The following INSYN2B variants were observed in gnomAD, a reference collection of about 807,000 sequenced individuals.
The protein encoded by INSYN2B is protein INSYN2B.
Under a neutral mutation model 41.2 loss-of-function variants are expected in INSYN2B, and 16 were observed. That is an observed-to-expected ratio of 0.39 (90% confidence interval 0.26 to 0.59). INSYN2B has a LOEUF of 0.59. Ranked by LOEUF, INSYN2B falls within the 20% of genes least tolerant of loss-of-function variation. INSYN2B has a pLI of 0.57. For missense variants in INSYN2B, 608 were observed against 646.4 expected, an observed-to-expected ratio of 0.94 and a Z score of 0.64; for synonymous variants, 245 against 244.4, an observed-to-expected ratio of 1.00 and a Z score of -0.02.
intron 1 of INSYN2B, among the ~76,000 whole-genome samples, chr5:169,890,166 C>T (rs975135483): frequency 3.9e-5 from 6 of 152,148 alleles, no homozygotes; most frequent in African/African-American, 7.2e-5. Context: ...GTGGAGACCC[C>T]GACTCTTCCT....
At chr5:169,906,721 T>G (rs912596154) in intron 1 of INSYN2B, among the ~76,000 whole-genome samples, 4 of 152,188 alleles carry the variant, frequency 2.6e-5, no homozygotes, top group African/African-American at 9.7e-5. Flanking sequence ...AAGCCCATTA[T>G]CTTTCTGCCA....
chr5:169,941,545 G>A (rs1776247407), intron 1 of INSYN2B, among the ~76,000 whole-genome samples: 1 of 152,192 alleles, frequency 6.6e-6, no homozygotes, highest in African/African-American at 2.4e-5. Context: ...AGAAAGGAGA[G>A]TGCAAGAGGT....
intron 1 of INSYN2B, among the ~76,000 whole-genome samples, chr5:169,899,081 A>G (rs1773777476): frequency 6.6e-6 from 1 of 152,216 alleles, no homozygotes; most frequent in Non-Finnish European, 1.5e-5. Context: ...ATGGCAAGTA[A>G]AAGGGACCTT....
chr5:169,882,880 A>G lies in INSYN2B; in HGVS notation c.1019T>C (p.Val340Ala), dbSNP rs1467290930. The G allele has an allele frequency of 1.9e-6, 3 of 1,551,596 alleles. No individual in the cohort carries two copies. Among genetic ancestry groups the G allele is most frequent in the Admixed American group, 3.9e-5 (2 of 50,966 alleles). ...CGATGCACTGTTAGTTTTGAGTGAC[A>G]CCAGATTCTGGTGATTGTTACTTGA... Reference protein sequence around the residue: ...PSSSNNHQNLVSLKTNSASKS... With the variant: ...PSSSNNHQNLASLKTNSASKS... Residue 340 changes from valine to alanine, a missense_variant, in exon 2 of 4, where the codon GTG (valine) becomes GCG (alanine). Physicochemically the swap from Val to Ala is moderately conservative, Grantham distance 64. Coordinates refer to ENST00000377365, the MANE Select transcript of INSYN2B (RefSeq NM_001129891.3).
In INSYN2B at chr5:169,885,389, T is replaced by C. The variant is rs552617482; in HGVS notation, c.-918-573A>G. Among the ~76,000 whole-genome samples the C allele has an allele frequency of 1.8e-4, 27 of 152,288 alleles. 1 individual carries two copies. The South Asian group carries it at 5.6e-3, about 32-fold the overall frequency. On this transcript the variant is annotated intron_variant, in intron 1 of 3. Coordinates refer to ENST00000377365, the MANE Select transcript of INSYN2B (RefSeq NM_001129891.3). ...GATGGTTGGATGAAGGGCAGGTCCT[T>C]GTGAATTAAAGAGAGCCTGGGCATG...
intron 1 of INSYN2B, among the ~76,000 whole-genome samples, chr5:169,904,113 GT>G (rs1774133485): frequency 1.8e-5 from 2 of 112,016 alleles, no homozygotes; most frequent in African/African-American, 8.2e-5. Flanking sequence ...AAAAAAAAAA[GT>G]TTAGGGGAGG....
intron 1 of INSYN2B, among the ~76,000 whole-genome samples, chr5:169,933,514 T>C (rs369220550): frequency 6.6e-6 from 1 of 152,264 alleles, no homozygotes; most frequent in Non-Finnish European, 1.5e-5. Context: ...CTGTGTTTTG[T>C]TGTTAATATT....
In INSYN2B at chr5:169,978,397, G is replaced by T. The variant is rs1051774712; in HGVS notation, c.-919+1880C>A. On this transcript the variant is annotated intron_variant, in intron 1 of 3. Transcript: ENST00000377365. ...TGTATGTGTGTGTGTGTGTGTGGGG[G>T]GGGGGGGGTGTAGGTGTGTTTGCAT... Among the ~76,000 whole-genome samples, 557 of 143,782 alleles carry T rather than the reference G, an allele frequency of 3.9e-3. 30 individuals are homozygous for T. Among genetic ancestry groups the T allele is most frequent in the African/African-American group, 0.013 (501 of 38,514 alleles). The allele number at this position is 143,782 out of a possible 152,430, so 94.3% of individuals were successfully genotyped here.
At chr5:169,927,872 T>C (rs374408485) in intron 1 of INSYN2B, among the ~76,000 whole-genome samples, 4 of 152,256 alleles carry the variant, frequency 2.6e-5, no homozygotes, top group African/African-American at 9.6e-5. Flanking sequence ...CGTCTCGGCC[T>C]CCCAAAGTGC....
At chr5:169,906,250 G>C (rs1774270385) in intron 1 of INSYN2B, among the ~76,000 whole-genome samples, 1 of 152,116 alleles carries the variant, frequency 6.6e-6, no homozygotes, top group African/African-American at 2.4e-5. Flanking sequence ...TCAGCTAAGA[G>C]AGCCTCAGTT....
At chr5:169,940,253 G>C (rs950595463) in intron 1 of INSYN2B, among the ~76,000 whole-genome samples, 4 of 152,202 alleles carry the variant, frequency 2.6e-5, no homozygotes, top group African/African-American at 9.7e-5. Context: ...TGCCAGCTGT[G>C]TGCCAGACTC....
chr5:169,951,661 T>A (rs1776671538), intron 1 of INSYN2B, among the ~76,000 whole-genome samples: 1 of 152,232 alleles, frequency 6.6e-6, no homozygotes, highest in African/African-American at 2.4e-5. Flanking sequence ...GTCCAGAGTA[T>A]GTTATTAATA....
chr5:169,914,278 C>T (rs1274153887), intron 1 of INSYN2B, among the ~76,000 whole-genome samples: 2 of 152,198 alleles, frequency 1.3e-5, no homozygotes, highest in Non-Finnish European at 2.9e-5. Flanking sequence ...ATTCACCTTA[C>T]CCCATTCTTT....
In INSYN2B at chr5:169,875,709, G is replaced by A. The variant is rs578127389; in HGVS notation, c.1421+5659C>T. On this transcript the variant is annotated intron_variant, in intron 3 of 3. Coordinates refer to ENST00000377365, the MANE Select transcript of INSYN2B (RefSeq NM_001129891.3). The stretch of plus-strand genomic sequence containing the variant: ...AATCTCATCATTGTGAGGATTAAGT[G>A]TGAAAACAAAAGGTACTTCAAGTGA... The A allele has an allele frequency of 9.2e-5, 15 of 162,756 alleles. No individual in the cohort carries two copies. The South Asian group carries it at 2.4e-3, about 26-fold the overall frequency. 10.1% of individuals were successfully genotyped at this position (162,756 alleles called of 1,614,324 possible). A position where few individuals can be genotyped will look rare whatever the true frequency, so the allele number is the denominator to read the frequency against.
intron 1 of INSYN2B, among the ~76,000 whole-genome samples, chr5:169,955,670 A>T (rs1776836553): frequency 6.6e-6 from 1 of 152,186 alleles, no homozygotes; most frequent in Admixed American, 6.5e-5. Context: ...CTGGTTTTGA[A>T]TTCCAGCCTA....
At position 169,944,310 on chromosome 5, in the gene INSYN2B, G is replaced by A. The variant is rs538620562; in HGVS notation, c.-919+35967C>T. Among the ~76,000 whole-genome samples, 4 of 152,268 alleles carry A rather than the reference G, an allele frequency of 2.6e-5. No individual in the cohort carries two copies. In the South Asian group the frequency reaches 8.3e-4, roughly 32 times the overall value. On this transcript the variant is annotated intron_variant, in intron 1 of 3. Transcript: ENST00000377365. ...GAAAGGTGATGACGGCAGTGTGGCC[G>A]GCACCTCAGAACAAAGCTGGCAGGT...
At chr5:169,921,678 C>T (rs1031646121) in intron 1 of INSYN2B, among the ~76,000 whole-genome samples, 1 of 152,184 alleles carries the variant, frequency 6.6e-6, no homozygotes. Context: ...GAGAGGAGCA[C>T]TTGGGAGAAG....
At chr5:169,920,953 G>T (rs530750927) in intron 1 of INSYN2B, among the ~76,000 whole-genome samples, 2 of 152,298 alleles carry the variant, frequency 1.3e-5, no homozygotes, top group South Asian at 4.1e-4. Context: ...TTTATTAGAT[G>T]AACTGAGATT....
chr5:169,867,867 G>C (rs1771690957), intron 3 of INSYN2B, among the ~76,000 whole-genome samples: 2 of 152,108 alleles, frequency 1.3e-5, no homozygotes, highest in Non-Finnish European at 2.9e-5. Flanking sequence ...TGAGAGCCTA[G>C]GCAACCCCTG....
Sources: allele counts gnomAD v4.1 joint callset (sites outside exome capture counted in the v4.1 genomes callset), GRCh38; gene constraint gnomAD v4.1.1; transcripts MANE v1.5; gene names NCBI Gene and HGNC (gene_info 2026-07-23, HGNC 2026-07-21).